Variants in MAST4 observed in about 807,000 individuals in gnomAD.
MAST4 encodes microtubule associated serine/threonine kinase family member 4, also known as microtubule-associated serine/threonine-protein kinase 4.
MAST4 carries 89 observed loss-of-function variants against 162.7 expected under a neutral mutation model. That is an observed-to-expected ratio of 0.55 (90% CI 0.46 to 0.65). The LOEUF is 0.65. Ranked by LOEUF, MAST4 falls within the 30% of genes least tolerant of loss-of-function variation. The probability of loss-of-function intolerance (pLI) is 0.00; values close to 1 mark genes in which losing one functional copy is unlikely to be tolerated. For synonymous variants in MAST4, 1,479 were observed against 1,361.1 expected, an observed-to-expected ratio of 1.09 and a Z score of -1.91; for missense variants, 3,153 against 3,374.0, an observed-to-expected ratio of 0.93 and a Z score of 1.62.
chr5:66,782,174 A>G (rs1295920482), intron 2 of MAST4, among the ~76,000 whole-genome samples: 1 of 151,998 alleles, frequency 6.6e-6, no homozygotes, highest in Non-Finnish European at 1.5e-5. Context: ...CTGTAATCCC[A>G]GCTACTCGGG....
chr5:66,988,753 C>T (rs1158869468), intron 4 of MAST4, among the ~76,000 whole-genome samples: 1 of 152,134 alleles, frequency 6.6e-6, no homozygotes, highest in Non-Finnish European at 1.5e-5. Context: ...AAGAGACATT[C>T]ACAGAATTTT....
At chr5:67,113,689 G>T (rs1766533786) in intron 11 of MAST4, among the ~76,000 whole-genome samples, 1 of 152,162 alleles carries the variant, frequency 6.6e-6, no homozygotes, top group Non-Finnish European at 1.5e-5. Flanking sequence ...TTTTGTTGCT[G>T]GTTGAGTGGA....
chr5:67,115,645 A>G (rs1213926417), intron 12 of MAST4, among the ~76,000 whole-genome samples: 1 of 152,176 alleles, frequency 6.6e-6, no homozygotes, highest in Non-Finnish European at 1.5e-5. Flanking sequence ...TTGAATCATG[A>G]GTCTTCAGAA....
intron 5 of MAST4, among the ~76,000 whole-genome samples, chr5:67,055,104 A>G (rs1055384228): frequency 2.6e-5 from 4 of 152,110 alleles, no homozygotes; most frequent in African/African-American, 9.7e-5. Context: ...TAAAGGAGCC[A>G]TTTGCCCAAG....
At chr5:66,630,655 TG>T (rs1744737434) in intron 1 of MAST4, among the ~76,000 whole-genome samples, 1 of 152,218 alleles carries the variant, frequency 6.6e-6, no homozygotes, top group South Asian at 2.1e-4. Flanking sequence ...TCTCATTAAC[TG>T]GTTTTTATCA....
At chr5:67,098,968 T>C (rs1264610201) in intron 7 of MAST4, among the ~76,000 whole-genome samples, 1 of 152,142 alleles carries the variant, frequency 6.6e-6, no homozygotes, top group Non-Finnish European at 1.5e-5. Flanking sequence ...ATCAGTTCAG[T>C]TGGTGCTTTG....
At chr5:66,634,475 A>G (rs16895353) in intron 1 of MAST4, among the ~76,000 whole-genome samples, 4,033 of 152,220 alleles carry the variant, frequency 0.026, 186 homozygotes, top group African/African-American at 0.093. Context: ...ATTTCGTATC[A>G]TGGATTTTTG....
intron 4 of MAST4, among the ~76,000 whole-genome samples, chr5:66,980,981 T>C (rs887816872): frequency 1.3e-5 from 2 of 151,986 alleles, no homozygotes; most frequent in Non-Finnish European, 2.9e-5. Flanking sequence ...ATCAGGACAT[T>C]TTTTTTTCTC....
At chr5:66,708,957 G>A (rs1442918705) in intron 1 of MAST4, among the ~76,000 whole-genome samples, 1 of 152,090 alleles carries the variant, frequency 6.6e-6, no homozygotes, top group Non-Finnish European at 1.5e-5. Context: ...AGATAATTAT[G>A]TCCTGTGCAG....
At position 66,596,819 on chromosome 5, in the gene MAST4, G is replaced by C. The variant is rs1742207786; in HGVS notation, c.164G>C (p.Gly55Ala). The C allele has an allele frequency of 2.3e-6, 3 of 1,318,612 alleles. No individual in the cohort carries two copies. Among genetic ancestry groups the C allele is most frequent in the Non-Finnish European group, 2.9e-6 (3 of 1,031,986 alleles). 81.7% of individuals were successfully genotyped at this position (1,318,612 alleles called of 1,614,324 possible). ...SETLSEEGEP[G>A]GFSREHQPPP... ...ACTCTGTCGGAGGAAGGGGAGCCCG[G>C]CGGCTTCTCCAGAGAGCATCAGCCG... The change falls in exon 1 of 29, where the codon GGC (glycine) becomes GCC (alanine). Residue 55 changes from glycine to alanine, a missense_variant. This residue lies in a region of MAST4 where 327 missense variants were observed against 336.5 expected (regional missense o/e 0.97). Coordinates refer to ENST00000403625, the MANE Select transcript of MAST4 (RefSeq NM_001164664.2).
chr5:67,145,971 C>T (rs1392584769), intron 23 of MAST4, among the ~76,000 whole-genome samples: 22 of 152,212 alleles, frequency 1.4e-4, no homozygotes, highest in Admixed American at 1.4e-3. Flanking sequence ...ACGCTTAATG[C>T]TGTTCTGGTC....
intron 1 of MAST4, among the ~76,000 whole-genome samples, chr5:66,757,556 T>G (rs1753615355): frequency 6.6e-6 from 1 of 152,224 alleles, no homozygotes; most frequent in South Asian, 2.1e-4. Context: ...AGACACCTTA[T>G]AAGACTACAT....
chr5:66,635,870 T>G (rs187118142), intron 1 of MAST4, among the ~76,000 whole-genome samples: 9 of 151,398 alleles, frequency 5.9e-5, no homozygotes, highest in Admixed American at 1.3e-4. Context: ...GAGTCATAGC[T>G]TTAATCAGAT....
intron 3 of MAST4, among the ~76,000 whole-genome samples, chr5:66,839,556 A>G (rs75861222): frequency 1.5e-3 from 234 of 152,288 alleles, no homozygotes; most frequent in African/African-American, 5.5e-3. Flanking sequence ...TCAGGCCTTG[A>G]AAATAATATG....
intron 1 of MAST4, among the ~76,000 whole-genome samples, chr5:66,745,174 T>TG (rs1480994368): frequency 6.6e-6 from 1 of 152,226 alleles, no homozygotes. Flanking sequence ...AGTGGCTGGA[T>TG]GAAGTCCCAG....
intron 3 of MAST4, among the ~76,000 whole-genome samples, chr5:66,846,474 G>A (rs1483478380): frequency 2.6e-5 from 4 of 152,188 alleles, no homozygotes; most frequent in Non-Finnish European, 5.9e-5. Context: ...GAGGCAGGAT[G>A]AGATAATGTC....
In MAST4 at chr5:67,133,503, C is replaced by T. The variant is rs754225201; in HGVS notation, c.2094-11C>T. 2.5e-6 allele frequency: 4 copies of T among 1,612,024 alleles called. No individual in the cohort carries two copies. The highest frequency in any genetic ancestry group is 2.2e-5 in the East Asian group (1 of 44,858). On this transcript the variant is annotated splice_polypyrimidine_tract_variant and intron_variant, in intron 16 of 28. Coordinates refer to ENST00000403625, the MANE Select transcript of MAST4 (RefSeq NM_001164664.2). The stretch of plus-strand genomic sequence containing the variant: ...AGTGATTATTGTGTTACATGTCCGT[C>T]TGCCTCATAGCTTGTTGGTTACCTC...
chr5:66,679,576 C>T (rs1009329805), intron 1 of MAST4, among the ~76,000 whole-genome samples: 1 of 152,164 alleles, frequency 6.6e-6, no homozygotes, highest in Non-Finnish European at 1.5e-5. Context: ...TGTATACTCT[C>T]ACCTCTCTTG....
Position 66,653,017 on chromosome 5 carries a change from T to A in MAST4, c.363+55999T>A, listed in dbSNP as rs551786095. On this transcript the variant is annotated intron_variant, in intron 1 of 28. Transcript: ENST00000403625. ...GAGTAGGTCATATCATAGCCTATGA[T>A]GTCATAACTTTTCAAAAGGGCAGAG... 5.3e-4 allele frequency among the ~76,000 whole-genome samples: 80 copies of A among 152,308 alleles called. No homozygotes were observed. The South Asian group carries it at 0.015, about 29-fold the overall frequency.
Sources: allele counts gnomAD v4.1 joint callset (sites outside exome capture counted in the v4.1 genomes callset), GRCh38; gene constraint gnomAD v4.1.1; regional missense constraint gnomAD v4.1.1; transcripts MANE v1.5; gene names NCBI Gene and HGNC (gene_info 2026-07-23, HGNC 2026-07-21).